The following ABCA13 variants were observed in gnomAD, a reference collection of about 807,000 sequenced individuals.
The protein encoded by ABCA13 is ATP-binding cassette sub-family A member 13.
In ABCA13, 476 loss-of-function variants were observed where a neutral mutation model predicts 478.7. That is an observed-to-expected ratio of 0.99 (90% CI 0.92 to 1.07). The LOEUF (loss-of-function observed/expected upper bound fraction) is 1.07, where lower values mean the gene tolerates loss of function less well. Ranked by LOEUF, ABCA13 falls within the 50% of genes least tolerant of loss-of-function variation. ABCA13 has a pLI of 0.00. For synonymous variants in ABCA13, 2,252 were observed against 2,158.9 expected (o/e 1.04, Z -1.20); for missense variants, 6,060 against 5,910.6 (o/e 1.03, Z -0.83).
At chr7:48,411,085 CTCCTT>C (rs745323941) in intron 40 of ABCA13, among the ~76,000 whole-genome samples, 1,554 of 92,998 alleles carry the variant, frequency 0.017, 25 homozygotes, top group Admixed American at 0.034. Context: ...CTTTCTTTCT[CTCCTT>C]TCCTTTCCTT....
chr7:48,372,530 AAAAC>A (rs775580270), intron 33 of ABCA13, 33 bp downstream of exon 33: 2 of 1,469,420 alleles, frequency 1.4e-6, no homozygotes, highest in Admixed American at 2.3e-5. Context: ...AAAAAAAAAA[AAAAC>A]AACAAAATTG....
At chr7:48,306,240 T>C (rs1475461493) in intron 23 of ABCA13, among the ~76,000 whole-genome samples, 2 of 152,126 alleles carry the variant, frequency 1.3e-5, no homozygotes, top group Non-Finnish European at 1.5e-5. Flanking sequence ...TAAAAAGAGA[T>C]GTAAAAAATT....
At chr7:48,465,641 A>G (rs1456135210) in intron 43 of ABCA13, among the ~76,000 whole-genome samples, 1 of 151,964 alleles carries the variant, frequency 6.6e-6, no homozygotes, top group Non-Finnish European at 1.5e-5. Context: ...TAATAACCAA[A>G]GCAGGGTATT....
At chr7:48,637,939 G>A (rs1004731825) in intron 59 of ABCA13, among the ~76,000 whole-genome samples, 1 of 152,190 alleles carries the variant, frequency 6.6e-6, no homozygotes, top group African/African-American at 2.4e-5. Flanking sequence ...GGGTTTATGT[G>A]TCCTGTATTC....
At chr7:48,244,787 A>G in intron 11 of ABCA13, 84 bp downstream of exon 11, 1 of 1,477,264 alleles carries the variant, frequency 6.8e-7, no homozygotes, top group South Asian at 1.4e-5. Context: ...AAACTGCCTG[A>G]CACATTGTAA....
intron 55 of ABCA13, among the ~76,000 whole-genome samples, chr7:48,533,830 G>T (rs1833397618): frequency 6.6e-6 from 1 of 151,962 alleles, no homozygotes. Flanking sequence ...CTTGCTTTTG[G>T]TGTCCATTTG....
intron 48 of ABCA13, among the ~76,000 whole-genome samples, chr7:48,498,626 T>C (rs1212215987): frequency 6.6e-6 from 1 of 152,104 alleles, no homozygotes; most frequent in Admixed American, 6.6e-5. Context: ...ATAGCACCTA[T>C]GGAATATGGA....
intron 48 of ABCA13, among the ~76,000 whole-genome samples, chr7:48,492,230 A>G (rs557175570): frequency 3.4e-4 from 52 of 152,082 alleles, no homozygotes; most frequent in Non-Finnish European, 2.4e-4. Context: ...TGGCCTTTGC[A>G]TCACTGCCCT....
At chr7:48,173,787 A>T (rs187443571) in intron 1 of ABCA13, among the ~76,000 whole-genome samples, 7 of 152,364 alleles carry the variant, frequency 4.6e-5, no homozygotes, top group African/African-American at 1.7e-4. Flanking sequence ...CTTCTCTGTA[A>T]AATGAAATTG....
chr7:48,621,640 A>C (rs1055323980), intron 59 of ABCA13, among the ~76,000 whole-genome samples: 1 of 152,186 alleles, frequency 6.6e-6, no homozygotes, highest in African/African-American at 2.4e-5. Context: ...AGTTCCTTAA[A>C]TTATTTTTTT....
At chr7:48,381,679 G>A (rs1814414501) in intron 35 of ABCA13, among the ~76,000 whole-genome samples, 2 of 152,136 alleles carry the variant, frequency 1.3e-5, no homozygotes, top group South Asian at 4.1e-4. Context: ...TGCTCGATCT[G>A]TCTAATTTCA....
intron 55 of ABCA13, among the ~76,000 whole-genome samples, chr7:48,549,766 G>T (rs764255120): frequency 6.6e-6 from 1 of 151,870 alleles, no homozygotes; most frequent in Non-Finnish European, 1.5e-5. Flanking sequence ...TCTGACTGAC[G>T]TGAGATGGTA....
At chr7:48,562,572 T>C (rs1786576852) in intron 55 of ABCA13, among the ~76,000 whole-genome samples, 1 of 152,040 alleles carries the variant, frequency 6.6e-6, no homozygotes, top group Admixed American at 6.6e-5. Flanking sequence ...CCAGGGCCAG[T>C]GAAAAAAATA....
In ABCA13 at chr7:48,271,974, A is replaced by G. The variant is rs779948240; in HGVS notation, c.2308A>G (p.Ile770Val). 5.6e-6 allele frequency: 9 copies of G among 1,613,572 alleles called. No individual in the cohort carries two copies. The highest frequency in any genetic ancestry group is 6.8e-6 in the Non-Finnish European group (8 of 1,179,724). Residue 770 changes from isoleucine to valine, a missense_variant, in exon 17 of 62, where the codon ATA becomes GTA. By Grantham distance (29) the Ile-to-Val change is conservative. Transcript: ENST00000435803. ...LPSLTEDILN[I>V]SSLWTNHLKS... ...ATCTCTCACAGAGGATATTCTGAAT[A>G]TAAGTTCTCTGTGGACAAATCATTT...
At chr7:48,308,612 T>C (rs762326922) in intron 23 of ABCA13, among the ~76,000 whole-genome samples, 2 of 152,042 alleles carry the variant, frequency 1.3e-5, no homozygotes, top group Non-Finnish European at 2.9e-5. Context: ...TTCATCTCCA[T>C]TATAATCATA....
chr7:48,489,403 G>C, intron 48 of ABCA13, 59 bp downstream of exon 48: 1 of 1,411,976 alleles, frequency 7.1e-7, no homozygotes, highest in Non-Finnish European at 9.6e-7. Context: ...GTTTTTAAAA[G>C]TGAAAGAAAC....
In ABCA13 at chr7:48,643,367, C is replaced by A. The variant is rs1476943134; in HGVS notation, c.14917C>A (p.Leu4973Ile). The A allele has an allele frequency of 6.2e-7, 1 of 1,613,476 alleles. No homozygotes were observed. The highest frequency in any genetic ancestry group is 1.1e-5 in the South Asian group (1 of 91,012). ...TTGCACTGTTTCTGACCACTTGAAG[C>A]TTTATTTTCCAGGAATTCAGTTCAA... ...QHCTVSDHLK[L>I]YFPGIQFKGQ... Residue 4973 changes from leucine (L) to isoleucine (I), a missense_variant, in exon 60 of 62, where the codon CTT becomes ATT. Around this residue, in one of 3 missense-constraint regions of ABCA13, gnomAD observed 1,627 missense variants for 1,571.0 expected, o/e 1.04. Coordinates refer to ENST00000435803, the MANE Select transcript of ABCA13 (RefSeq NM_152701.5).
rs748713007 is a variant in ABCA13 at position 48,427,903 on chromosome 7, T to A, written c.12565+32T>A. 4 of 1,417,074 alleles carry A rather than the reference T, an allele frequency of 2.8e-6. No homozygotes were observed. The Admixed American group carries it at 6.3e-5, about 22-fold the overall frequency. The allele number at this position is 1,417,074 out of a possible 1,614,324, so 87.8% of individuals were successfully genotyped here. A position where few individuals can be genotyped will look rare whatever the true frequency, so the allele number is the denominator to read the frequency against. On this transcript the variant is annotated intron_variant, in intron 42 of 61. Coordinates refer to ENST00000435803, the MANE Select transcript of ABCA13 (RefSeq NM_152701.5). ...ACAGAATGGCTTCCTGCATTTCTGCTGGAGGAACAATGACACCAGCCTTAT... is the reference window on the plus strand; with the variant it reads ...ACAGAATGGCTTCCTGCATTTCTGCAGGAGGAACAATGACACCAGCCTTAT...
intron 27 of ABCA13, among the ~76,000 whole-genome samples, chr7:48,331,635 A>G (rs1030261013): frequency 1.3e-5 from 2 of 152,194 alleles, no homozygotes; most frequent in Admixed American, 6.5e-5. Flanking sequence ...AGATCGGTGT[A>G]CCCTTCACTG....
Sources: gnomAD v4.1 joint callset for allele counts (sites outside exome capture counted in the v4.1 genomes callset) on GRCh38, gnomAD v4.1.1 for gene constraint, gnomAD v4.1.1 regional missense constraint, MANE v1.5 for transcripts, NCBI Gene and HGNC (gene_info 2026-07-23, HGNC 2026-07-21) for gene names.